DLGAP2: variants seen among roughly 807,000 people sequenced by gnomAD.
The protein encoded by DLGAP2 is DLG associated protein 2, also known as disks large-associated protein 2.
DLGAP2 carries 26 observed loss-of-function variants against 100.3 expected under a neutral mutation model. The observed-to-expected ratio is 0.26, with a 90% CI of 0.19 to 0.36. DLGAP2 has a LOEUF of 0.36. Ranked by LOEUF, DLGAP2 falls within the 10% of genes least tolerant of loss-of-function variation. The pLI is 1.00. For synonymous variants in DLGAP2, 886 were observed against 630.1 expected, an observed-to-expected ratio of 1.41 and a Z score of -6.08; for missense variants, 1,858 against 1,453.2, an observed-to-expected ratio of 1.28 and a Z score of -4.53.
intron 3 of DLGAP2, among the ~76,000 whole-genome samples, chr8:1,330,963 A>G (rs112686977): frequency 1.3e-4 from 13 of 99,412 alleles, no homozygotes; most frequent in East Asian, 6.6e-4. Context: ...TGGGAGCGCC[A>G]CTTCACCGGG....
intron 3 of DLGAP2, among the ~76,000 whole-genome samples, chr8:1,460,941 G>C (rs1798453385): frequency 6.6e-6 from 1 of 152,196 alleles, no homozygotes; most frequent in South Asian, 2.1e-4. Context: ...TAAACACAAG[G>C]GTACCATTTG....
At chr8:1,419,936 G>C in intron 3 of DLGAP2, among the ~76,000 whole-genome samples, 1 of 152,220 alleles carries the variant, frequency 6.6e-6, no homozygotes, top group South Asian at 2.1e-4. Context: ...ATCAACAGAA[G>C]AATGGAGAAA....
chr8:1,096,445 A>G (rs1804369088), intron 2 of DLGAP2, among the ~76,000 whole-genome samples: 1 of 152,246 alleles, frequency 6.6e-6, no homozygotes, highest in Non-Finnish European at 1.5e-5. Context: ...TGGCATGGAG[A>G]GGAACCCCCC....
chr8:882,157 T>C (rs1315397618), intron 1 of DLGAP2, among the ~76,000 whole-genome samples: 1 of 152,230 alleles, frequency 6.6e-6, no homozygotes, highest in Non-Finnish European at 1.5e-5. Context: ...ATGCTCCAAA[T>C]GAGACGTGAG....
intron 3 of DLGAP2, among the ~76,000 whole-genome samples, chr8:1,480,946 G>T (rs1163065239): frequency 6.6e-6 from 1 of 152,110 alleles, no homozygotes; most frequent in Admixed American, 6.5e-5. Context: ...GCCGAGGCGG[G>T]CAGATCACGA....
chr8:1,438,379 G>A (rs1362998307), intron 3 of DLGAP2, among the ~76,000 whole-genome samples: 2 of 152,066 alleles, frequency 1.3e-5, no homozygotes, highest in Non-Finnish European at 2.9e-5. Context: ...CATCAGATTC[G>A]CTGCTTAGGA....
chr8:746,324 T>C (rs1220112438), intron 1 of DLGAP2, among the ~76,000 whole-genome samples: 1 of 152,254 alleles, frequency 6.6e-6, no homozygotes. Flanking sequence ...TATTAACTCA[T>C]AGAATTCTCA....
chr8:1,445,194 C>T (rs1289308853), intron 3 of DLGAP2, among the ~76,000 whole-genome samples: 2 of 148,130 alleles, frequency 1.4e-5, no homozygotes, highest in African/African-American at 2.5e-5. Flanking sequence ...CCCATTAACT[C>T]GTCATTTAGC....
At chr8:1,435,400 C>A (rs557986443) in intron 3 of DLGAP2, among the ~76,000 whole-genome samples, 4 of 152,214 alleles carry the variant, frequency 2.6e-5, no homozygotes, top group African/African-American at 9.6e-5. Flanking sequence ...CAGCGGTGGC[C>A]CTGTAAGATT....
At chr8:1,337,272 T>G (rs1257028809) in intron 3 of DLGAP2, among the ~76,000 whole-genome samples, 3 of 149,518 alleles carry the variant, frequency 2.0e-5, no homozygotes, top group Non-Finnish European at 4.4e-5. Context: ...ATGATGAGGA[T>G]GATGGTGGTG....
intron 2 of DLGAP2, among the ~76,000 whole-genome samples, chr8:1,149,207 G>A (rs930538189): frequency 3.3e-5 from 5 of 151,944 alleles, no homozygotes; most frequent in Admixed American, 6.6e-5. Context: ...GTGCAGTGGC[G>A]CAATGTCGGC....
At chr8:905,815 C>A (rs1798367594) in intron 1 of DLGAP2, among the ~76,000 whole-genome samples, 1 of 151,162 alleles carries the variant, frequency 6.6e-6, no homozygotes, top group Non-Finnish European at 1.5e-5. Flanking sequence ...CTCCCGCCCC[C>A]AAGCACGTGT....
rs142291899 is a variant in DLGAP2, at chr8:1,199,045, A to C, written c.74-59806A>C. ...GAGGTCGCGTGGTTGAATAAAGGTG[A>C]AGTTCCAGACTTCCAGACTGCTCAG... On this transcript the variant is annotated intron_variant, in intron 2 of 14. Transcript: ENST00000637795. Among the ~76,000 whole-genome samples the C allele has an allele frequency of 6.6e-5, 10 of 152,338 alleles. No homozygotes were observed. The East Asian group carries it at 1.4e-3, about 21-fold the overall frequency.
chr8:763,739 G>A (rs1338780382), intron 1 of DLGAP2, among the ~76,000 whole-genome samples: 1 of 152,168 alleles, frequency 6.6e-6, no homozygotes, highest in African/African-American at 2.4e-5. Flanking sequence ...TGTCCTGAGT[G>A]CAAGGCACTG....
intron 2 of DLGAP2, among the ~76,000 whole-genome samples, chr8:1,254,676 C>T (rs76821632): frequency 1.2e-4 from 19 of 152,146 alleles, no homozygotes; most frequent in African/African-American, 4.6e-4. Context: ...TCAGTGGTGT[C>T]TTTCCCAGGA....
At chr8:1,569,914 C>T (rs1361488590) in intron 6 of DLGAP2, among the ~76,000 whole-genome samples, 1 of 152,004 alleles carries the variant, frequency 6.6e-6, no homozygotes, top group African/African-American at 2.4e-5. Flanking sequence ...CATGGCACTG[C>T]TCTGTGGAGG....
At chr8:1,275,842 T>TATAAATATATATAATAA (rs1799674647) in intron 3 of DLGAP2, among the ~76,000 whole-genome samples, 1 of 86,248 alleles carries the variant, frequency 1.2e-5, no homozygotes, top group Non-Finnish European at 2.3e-5. Flanking sequence ...ATATATAATA[T>TATAAATATATATAATAA]ATAAATATAT....
At chr8:1,341,677 A>G (rs1261651404) in intron 3 of DLGAP2, among the ~76,000 whole-genome samples, 1 of 152,150 alleles carries the variant, frequency 6.6e-6, no homozygotes, top group Non-Finnish European at 1.5e-5. Context: ...CTCCTAGGGA[A>G]ACAGAGATGA....
intron 1 of DLGAP2, among the ~76,000 whole-genome samples, chr8:752,805 G>A (rs1331405716): frequency 6.6e-6 from 1 of 152,018 alleles, no homozygotes; most frequent in African/African-American, 2.4e-5. Context: ...TGATACTGTC[G>A]GCTGGGCCCA....
Sources: gnomAD v4.1 joint callset for allele counts (sites outside exome capture counted in the v4.1 genomes callset) on GRCh38, gnomAD v4.1.1 for gene constraint, MANE v1.5 for transcripts, NCBI Gene and HGNC (gene_info 2026-07-23, HGNC 2026-07-21) for gene names.